The following GNG7 variants were observed in gnomAD, a reference collection of about 807,000 sequenced individuals.
GNG7 encodes guanine nucleotide-binding protein G(I)/G(S)/G(O) subunit gamma-7.
Under a neutral mutation model 4.0 loss-of-function variants are expected in GNG7, and 1 was observed. That is an observed-to-expected ratio of 0.25 (90% CI 0.09 to 1.18). The LOEUF is 1.18. Among genes scored for constraint, GNG7 ranks in the 50% most tolerant of loss-of-function variants. GNG7 has a pLI of 0.50. For missense variants in GNG7, 86 were observed against 91.9 expected (o/e 0.94, Z 0.26); for synonymous variants, 34 against 36.9 (o/e 0.92, Z 0.29).
intron 3 of GNG7, among the ~76,000 whole-genome samples, chr19:2,522,889 G>C (rs1978317893): frequency 6.6e-6 from 1 of 150,798 alleles, no homozygotes; most frequent in Admixed American, 6.6e-5. Flanking sequence ...TTTTTAGACA[G>C]AGTCTCGCTC....
intron 2 of GNG7, chr19:2,610,120 G>A (rs180972134): frequency 7.9e-5 from 12 of 151,982 alleles, no homozygotes; most frequent in Admixed American, 1.3e-4. Context: ...AGGTGGCCTC[G>A]GATAACATGA....
At chr19:2,570,318 C>T (rs1215517295) in intron 2 of GNG7, among the ~76,000 whole-genome samples, 2 of 152,148 alleles carry the variant, frequency 1.3e-5, no homozygotes, top group African/African-American at 2.4e-5. Flanking sequence ...AACTGTGAAC[C>T]AGATAAACTT....
At chr19:2,684,134 CAT>C (rs1983812012) in intron 1 of GNG7, among the ~76,000 whole-genome samples, 3 of 128,792 alleles carry the variant, frequency 2.3e-5, no homozygotes, top group South Asian at 2.7e-4. Flanking sequence ...CCAGCCTGGC[CAT>C]TTTTTTTTTT....
At chr19:2,556,311 C>T (rs956395854) in intron 2 of GNG7, among the ~76,000 whole-genome samples, 2 of 151,934 alleles carry the variant, frequency 1.3e-5, no homozygotes, top group Non-Finnish European at 2.9e-5. Context: ...TGGGCTTGCC[C>T]GGCGAGGTCA....
At chr19:2,566,602 C>G (rs996561100) in intron 2 of GNG7, among the ~76,000 whole-genome samples, 8 of 152,166 alleles carry the variant, frequency 5.3e-5, no homozygotes, top group Non-Finnish European at 1.2e-4. Flanking sequence ...TCCCCTCCCA[C>G]CCCCACTGCT....
intron 2 of GNG7, among the ~76,000 whole-genome samples, chr19:2,603,753 A>G (rs905794682): frequency 2.6e-5 from 4 of 152,198 alleles, no homozygotes; most frequent in Admixed American, 1.3e-4. Context: ...AGCGTGTTCA[A>G]GCTGGAAAGG....
At chr19:2,602,440 G>C (rs927615026) in intron 2 of GNG7, among the ~76,000 whole-genome samples, 1 of 152,202 alleles carries the variant, frequency 6.6e-6, no homozygotes, top group Non-Finnish European at 1.5e-5. Flanking sequence ...CTTTTAAGCA[G>C]ATCCAGCACT....
intron 2 of GNG7, among the ~76,000 whole-genome samples, chr19:2,616,553 G>T (rs1981729579): frequency 6.6e-6 from 1 of 152,138 alleles, no homozygotes; most frequent in African/African-American, 2.4e-5. Context: ...AAAGCGAGCG[G>T]ATCACCTCAG....
At chr19:2,576,615 C>T (rs1368936144) in intron 2 of GNG7, among the ~76,000 whole-genome samples, 1 of 152,182 alleles carries the variant, frequency 6.6e-6, no homozygotes, top group African/African-American at 2.4e-5. Context: ...GGTGCAATCA[C>T]AGCTCAATGC....
At chr19:2,657,362 AT>A (rs1408182860) in intron 1 of GNG7, among the ~76,000 whole-genome samples, 958 of 10,594 alleles carry the variant, frequency 0.09, 137 homozygotes, top group South Asian at 0.12. Context: ...AAAAAAAAAA[AT>A]ATATATATAT....
chr19:2,692,753 C>T (rs746625594), intron 1 of GNG7, among the ~76,000 whole-genome samples: 6 of 151,870 alleles, frequency 4.0e-5, no homozygotes, highest in Non-Finnish European at 5.9e-5. Context: ...GGGCCGGCTG[C>T]GGTGGGCGAA....
intron 2 of GNG7, among the ~76,000 whole-genome samples, chr19:2,636,168 G>A (rs77429519): frequency 0.022 from 3,315 of 152,266 alleles, 113 homozygotes; most frequent in African/African-American, 0.076. Flanking sequence ...GCATAAATCA[G>A]GGTAACTCCA....
At chr19:2,545,815 G>T (rs1048920109) in intron 3 of GNG7, among the ~76,000 whole-genome samples, 1 of 151,198 alleles carries the variant, frequency 6.6e-6, no homozygotes, top group African/African-American at 2.4e-5. Flanking sequence ...AATTAGCCGT[G>T]AGTGGTGGTG....
intron 3 of GNG7, among the ~76,000 whole-genome samples, chr19:2,542,785 C>T (rs1176901997): frequency 1.3e-5 from 2 of 151,832 alleles, no homozygotes; most frequent in African/African-American, 4.8e-5. Context: ...TGGGGTCCCA[C>T]AGCCCAGGAC....
intron 3 of GNG7, among the ~76,000 whole-genome samples, chr19:2,524,903 C>T (rs543279655): frequency 9.2e-5 from 14 of 152,034 alleles, no homozygotes; most frequent in African/African-American, 2.2e-4. Flanking sequence ...TGTGTACATG[C>T]GTGTGCGTGT....
intron 1 of GNG7, among the ~76,000 whole-genome samples, chr19:2,696,357 AAAG>A (rs1422730241): frequency 1.4e-5 from 2 of 146,938 alleles, no homozygotes; most frequent in African/African-American, 2.7e-5. Flanking sequence ...AAAAGAAAGA[AAAG>A]AAAGAAAGAA....
Position 2,512,818 on chromosome 19 carries a change from G to T in GNG7, c.*2204C>A. ...GGCTTGTTGGAAAGGGTGGAGGCAG[G>T]CGGGCTCTCCCTGCCTGGGGTCCTC... On this transcript the variant is annotated 3_prime_UTR_variant, in exon 5 of 5. Coordinates refer to ENST00000382159, the MANE Select transcript of GNG7 (RefSeq NM_052847.3). The surrounding 1 kb of genome is among the most constrained non-coding windows in gnomAD (Gnocchi z 4.7). 1 of 787,986 alleles carries T rather than the reference G, an allele frequency of 1.3e-6. No individual in the cohort carries two copies. The highest frequency in any genetic ancestry group is 5.7e-5 in the South Asian group (1 of 17,456). The allele number at this position is 787,986 out of a possible 1,614,324, so 48.8% of individuals were successfully genotyped here. A position where few individuals can be genotyped will look rare whatever the true frequency, so the allele number is the denominator to read the frequency against.
chr19:2,594,063 A>G (rs1373045419), intron 2 of GNG7, among the ~76,000 whole-genome samples: 1 of 152,068 alleles, frequency 6.6e-6, no homozygotes, highest in East Asian at 1.9e-4. Flanking sequence ...CTATTATACA[A>G]GTTGTTTACA....
intron 1 of GNG7, among the ~76,000 whole-genome samples, chr19:2,688,784 A>T (rs1913063734): frequency 6.6e-6 from 1 of 152,102 alleles, no homozygotes; most frequent in Admixed American, 6.6e-5. Context: ...ACCCATTGTT[A>T]GCCGGGCACA....
Sources: gnomAD v4.1 joint callset for allele counts (sites outside exome capture counted in the v4.1 genomes callset) on GRCh38, gnomAD v4.1.1 for gene constraint, Gnocchi (gnomAD v3.1) non-coding constraint, MANE v1.5 for transcripts, NCBI Gene and HGNC (gene_info 2026-07-23, HGNC 2026-07-21) for gene names.